SPIN1: variants seen among roughly 807,000 people sequenced by gnomAD.
SPIN1 encodes the protein spindlin-1.
In SPIN1, 3 loss-of-function variants were observed where a neutral mutation model predicts 26.0. The observed-to-expected ratio is 0.12, with a 90% CI of 0.05 to 0.30. The LOEUF is 0.30. SPIN1 is among the 10% of genes least tolerant of loss of function. The probability of loss-of-function intolerance (pLI) is 1.00; values close to 1 mark genes in which losing one functional copy is unlikely to be tolerated. For synonymous variants in SPIN1, 101 were observed against 116.5 expected (o/e 0.87, Z 0.86); for missense variants, 126 against 333.4 (o/e 0.38, Z 4.84).
At chr9:88,411,276 C>T in intron 1 of SPIN1, 1 of 1,189,360 alleles carries the variant, frequency 8.4e-7, no homozygotes, top group Non-Finnish European at 1.2e-6. Flanking sequence ...TCCACAGTGG[C>T]ATATGTGACA....
At chr9:88,403,860 C>G (rs1334238302) in intron 1 of SPIN1, among the ~76,000 whole-genome samples, 1 of 152,082 alleles carries the variant, frequency 6.6e-6, no homozygotes, top group Non-Finnish European at 1.5e-5. Context: ...CTTTTTTACC[C>G]TTTAATTTCA....
chr9:88,408,620 C>T (rs1335291684), intron 1 of SPIN1, among the ~76,000 whole-genome samples: 4 of 151,504 alleles, frequency 2.6e-5, no homozygotes, highest in Non-Finnish European at 4.4e-5. Context: ...TATGATCCAC[C>T]CGCTTTGGCC....
chr9:88,429,386 C>G (rs915454656), intron 2 of SPIN1, among the ~76,000 whole-genome samples: 5 of 152,148 alleles, frequency 3.3e-5, no homozygotes, highest in African/African-American at 1.2e-4. Context: ...GATGCCAGTT[C>G]AGATGCATAT....
intron 2 of SPIN1, among the ~76,000 whole-genome samples, chr9:88,441,507 C>G (rs1443807963): frequency 6.6e-6 from 1 of 150,752 alleles, no homozygotes; most frequent in Non-Finnish European, 1.5e-5. Flanking sequence ...CCTATCATCC[C>G]AGCATTTTGG....
intron 2 of SPIN1, among the ~76,000 whole-genome samples, chr9:88,440,120 C>T (rs1201417500): frequency 6.6e-6 from 1 of 151,194 alleles, no homozygotes; most frequent in African/African-American, 2.4e-5. Context: ...ACCTTTTTCC[C>T]TTCCTTAGCA....
intron 1 of SPIN1, among the ~76,000 whole-genome samples, chr9:88,404,911 G>A (rs1015710087): frequency 7.5e-6 from 1 of 133,854 alleles, no homozygotes; most frequent in Non-Finnish European, 1.6e-5. Flanking sequence ...GTGAGATTTC[G>A]TCTCAAAAAA....
intron 1 of SPIN1, chr9:88,416,596 C>T (rs956735452): frequency 4.6e-5 from 7 of 152,124 alleles, no homozygotes; most frequent in African/African-American, 1.7e-4. Flanking sequence ...CTGTTTTTTC[C>T]CTAAACTTTT....
intron 1 of SPIN1, among the ~76,000 whole-genome samples, chr9:88,420,153 A>G (rs1827642819): frequency 6.6e-6 from 1 of 152,212 alleles, no homozygotes. Context: ...AGGCGGGTGG[A>G]TCACCTGAGG....
intron 2 of SPIN1, 128 bp downstream of exon 2, chr9:88,426,719 CAT>C (rs1827770963): frequency 1.6e-6 from 1 of 627,600 alleles, no homozygotes; most frequent in Non-Finnish European, 2.6e-6. Flanking sequence ...ATGTTATACA[CAT>C]ATGCATATAT....
intron 1 of SPIN1, among the ~76,000 whole-genome samples, chr9:88,394,969 C>A (rs11142278): frequency 0.016 from 2,463 of 151,842 alleles, 61 homozygotes; most frequent in African/African-American, 0.057. Context: ...GCCACCACGC[C>A]CGGCTAATTT....
intron 3 of SPIN1, 44 bp downstream of exon 3, chr9:88,449,033 T>C (rs1391261956): frequency 1.3e-6 from 2 of 1,596,672 alleles, no homozygotes; most frequent in East Asian, 2.2e-5. Context: ...TTTGTGACCT[T>C]TTGTTACGCA....
intron 1 of SPIN1, among the ~76,000 whole-genome samples, chr9:88,413,066 T>G (rs959517697): frequency 1.2e-5 from 1 of 80,150 alleles, no homozygotes; most frequent in Non-Finnish European, 2.1e-5. Context: ...TAAAATTAAG[T>G]TTTTTTTTTT....
At chr9:88,410,782 C>T in intron 1 of SPIN1, 2 of 1,096,282 alleles carry the variant, frequency 1.8e-6, no homozygotes, top group South Asian at 1.2e-5. Flanking sequence ...CCCACTGCCA[C>T]CAAAGCCACC....
chr9:88,468,869 T>G (rs1828722007), intron 5 of SPIN1, among the ~76,000 whole-genome samples: 1 of 152,210 alleles, frequency 6.6e-6, no homozygotes, highest in South Asian at 2.1e-4. Flanking sequence ...ATATTACTTC[T>G]TGCTTTTATT....
At chr9:88,429,966 T>TA (rs1337700842) in intron 2 of SPIN1, among the ~76,000 whole-genome samples, 2 of 152,178 alleles carry the variant, frequency 1.3e-5, no homozygotes, top group Admixed American at 6.5e-5. Flanking sequence ...TTCACAGTAT[T>TA]ACAGAAGTAT....
intron 3 of SPIN1, among the ~76,000 whole-genome samples, chr9:88,456,741 A>G (rs919343649): frequency 1.3e-5 from 2 of 152,194 alleles, no homozygotes; most frequent in African/African-American, 4.8e-5. Context: ...ACCAAGAATC[A>G]TGAGGCATCT....
intron 1 of SPIN1, among the ~76,000 whole-genome samples, chr9:88,419,339 A>G (rs1246616665): frequency 6.6e-6 from 1 of 152,106 alleles, no homozygotes; most frequent in Non-Finnish European, 1.5e-5. Flanking sequence ...CCAATTGGAA[A>G]TAGTTTAGCC....
intron 5 of SPIN1, among the ~76,000 whole-genome samples, chr9:88,472,704 G>T (rs947915396): frequency 1.3e-5 from 2 of 152,206 alleles, no homozygotes; most frequent in African/African-American, 2.4e-5. Context: ...TGTTGGCCAG[G>T]ATGGTCTCGA....
In SPIN1 at chr9:88,388,457, G is replaced by C. The variant is rs1248693304; in HGVS notation, c.-240G>C. ...AGCGGGGGCGGGGAGGCGCCGTCTGGCTCAGGCTGGGGCCGGCGGGAGCGC... is the reference window on the plus strand; with the variant it reads ...AGCGGGGGCGGGGAGGCGCCGTCTGCCTCAGGCTGGGGCCGGCGGGAGCGC... On this transcript the variant is annotated 5_prime_UTR_variant, in exon 1 of 6. Coordinates refer to ENST00000375859, the MANE Select transcript of SPIN1 (RefSeq NM_006717.3). The C allele has an allele frequency of 6.8e-6, 1 of 147,912 alleles. No homozygotes were observed. Among genetic ancestry groups the C allele is most frequent in the African/African-American group, 2.4e-5 (1 of 41,008 alleles). The allele number at this position is 147,912 out of a possible 1,614,324, so 9.2% of individuals were successfully genotyped here.
Sources: gnomAD v4.1 joint callset for allele counts (sites outside exome capture counted in the v4.1 genomes callset) on GRCh38, gnomAD v4.1.1 for gene constraint, MANE v1.5 for transcripts, NCBI Gene and HGNC (gene_info 2026-07-23, HGNC 2026-07-21) for gene names.